The following CPNE4 variants were observed in gnomAD, a reference collection of about 807,000 sequenced individuals.
CPNE4 encodes the protein copine-4.
CPNE4 carries 25 observed loss-of-function variants against 67.9 expected under a neutral mutation model. The observed-to-expected ratio is 0.37, with a 90% CI of 0.27 to 0.51. CPNE4 has a LOEUF of 0.51. Among genes scored for constraint, CPNE4 ranks in the 20% least tolerant of loss-of-function variants. The probability of loss-of-function intolerance (pLI) is 0.93; values close to 1 mark genes in which losing one functional copy is unlikely to be tolerated. For missense variants in CPNE4, 464 were observed against 690.8 expected, an observed-to-expected ratio of 0.67 and a Z score of 3.68; for synonymous variants, 242 against 244.9, an observed-to-expected ratio of 0.99 and a Z score of 0.11.
intron 10 of CPNE4, among the ~76,000 whole-genome samples, chr3:131,569,835 G>A (rs1370981518): frequency 6.6e-6 from 1 of 151,738 alleles, no homozygotes; most frequent in African/African-American, 2.4e-5. Context: ...ATAGTCAGAG[G>A]TAAGAGAAAG....
rs375713741 is a variant in CPNE4 at position 131,827,479 on chromosome 3, G to A, written c.180+77785C>T. Among the ~76,000 whole-genome samples the A allele has an allele frequency of 3.3e-5, 5 of 152,106 alleles. No individual in the cohort carries two copies. In the East Asian group the frequency reaches 9.6e-4, roughly 29 times the overall value. On this transcript the variant is annotated intron_variant, in intron 2 of 15. Coordinates refer to ENST00000429747, the MANE Select transcript of CPNE4 (RefSeq NM_130808.3). The stretch of plus-strand genomic sequence containing the variant: ...GTATTTGTTGAAGAAAAGCAGCAAC[G>A]GACAAATAAGATATAGCTGCTAGCA...
chr3:131,801,356 AT>A (rs889664973), intron 2 of CPNE4, among the ~76,000 whole-genome samples: 46 of 100,396 alleles, frequency 4.6e-4, no homozygotes, highest in African/African-American at 1.5e-3. Flanking sequence ...TATATGTACC[AT>A]ATATATATAT....
At chr3:131,649,009 T>C (rs1219904207) in intron 7 of CPNE4, among the ~76,000 whole-genome samples, 1 of 152,178 alleles carries the variant, frequency 6.6e-6, no homozygotes, top group African/African-American at 2.4e-5. Context: ...TCCTTAACTC[T>C]ATGTCCCTGG....
intron 1 of CPNE4, among the ~76,000 whole-genome samples, chr3:131,942,098 A>T (rs1359802310): frequency 6.6e-6 from 1 of 152,024 alleles, no homozygotes; most frequent in Non-Finnish European, 1.5e-5. Context: ...ACATAAAATA[A>T]CTCCAAGTAT....
intron 1 of CPNE4, among the ~76,000 whole-genome samples, chr3:131,976,196 T>C (rs2072649568): frequency 6.6e-6 from 1 of 151,968 alleles, no homozygotes; most frequent in South Asian, 2.1e-4. Context: ...TTAATGATTG[T>C]ATATGGGAAA....
At chr3:131,757,554 G>T (rs953469864) in intron 2 of CPNE4, among the ~76,000 whole-genome samples, 1 of 152,168 alleles carries the variant, frequency 6.6e-6, no homozygotes, top group Non-Finnish European at 1.5e-5. Context: ...TAAAAGTTCA[G>T]AAAATTTGCA....
intron 2 of CPNE4, among the ~76,000 whole-genome samples, chr3:131,771,377 T>C (rs564121070): frequency 5.9e-5 from 9 of 152,234 alleles, no homozygotes; most frequent in Admixed American, 3.3e-4. Context: ...GGGTGGGACC[T>C]AATGTGAGGT....
intron 7 of CPNE4, among the ~76,000 whole-genome samples, chr3:131,669,110 G>C: frequency 6.6e-6 from 1 of 152,060 alleles, no homozygotes; most frequent in East Asian, 1.9e-4. Context: ...AGCTGGCCTG[G>C]GGATGATGAG....
At chr3:131,659,938 C>T (rs899476473) in intron 7 of CPNE4, among the ~76,000 whole-genome samples, 3 of 151,910 alleles carry the variant, frequency 2.0e-5, no homozygotes, top group East Asian at 3.9e-4. Context: ...GTCATGTTAA[C>T]AGGAAGAAGG....
intron 1 of CPNE4, among the ~76,000 whole-genome samples, chr3:132,008,067 C>T (rs1919994): frequency 0.84 from 127,500 of 152,164 alleles, 54,513 homozygotes; most frequent in Non-Finnish European, 0.93. Flanking sequence ...GTGTCTGGTA[C>T]ACAGTAGGTG....
intron 2 of CPNE4, among the ~76,000 whole-genome samples, chr3:131,743,981 A>AAAAAAAC: frequency 2.0e-5 from 3 of 149,058 alleles, no homozygotes; most frequent in African/African-American, 4.9e-5. Flanking sequence ...AAAAAAAAAA[A>AAAAAAAC]AAACAATAAA....
intron 2 of CPNE4, among the ~76,000 whole-genome samples, chr3:131,783,962 G>A (rs2083489122): frequency 6.6e-6 from 1 of 152,118 alleles, no homozygotes; most frequent in South Asian, 2.1e-4. Context: ...GAAGTACGGT[G>A]AGAAGTCCCA....
chr3:131,791,987 C>T (rs556337163), intron 2 of CPNE4, among the ~76,000 whole-genome samples: 18 of 152,232 alleles, frequency 1.2e-4, no homozygotes, highest in African/African-American at 3.9e-4. Flanking sequence ...AGTAACAGAA[C>T]TGGCAATTTT....
At chr3:131,638,820 T>C (rs577255849) in intron 7 of CPNE4, among the ~76,000 whole-genome samples, 1 of 152,140 alleles carries the variant, frequency 6.6e-6, no homozygotes, top group African/African-American at 2.4e-5. Flanking sequence ...TATCAAGTAC[T>C]CTCTCAGACC....
intron 2 of CPNE4, among the ~76,000 whole-genome samples, chr3:131,761,443 A>G (rs1196056947): frequency 6.6e-6 from 1 of 152,010 alleles, no homozygotes; most frequent in Non-Finnish European, 1.5e-5. Context: ...GAAAAATGGA[A>G]TTTTTAAAAT....
chr3:131,549,250 A>AT (rs1936041766), intron 14 of CPNE4, among the ~76,000 whole-genome samples: 3 of 152,094 alleles, frequency 2.0e-5, no homozygotes, highest in African/African-American at 4.8e-5. Context: ...AGGGAGTAGT[A>AT]TTTTTTTAAA....
intron 2 of CPNE4, among the ~76,000 whole-genome samples, chr3:131,727,377 A>G (rs2082025251): frequency 6.6e-6 from 1 of 152,114 alleles, no homozygotes; most frequent in Non-Finnish European, 1.5e-5. Context: ...GGTGGATCAC[A>G]AAGTCAGGAA....
chr3:131,963,672 G>C (rs182423572), intron 1 of CPNE4, among the ~76,000 whole-genome samples: 170 of 152,308 alleles, frequency 1.1e-3, no homozygotes, highest in Middle Eastern at 3.4e-3. Flanking sequence ...CTGTGGCCAG[G>C]CTGCCTCTCT....
chr3:132,021,786 T>C (rs2074002533), intron 1 of CPNE4, among the ~76,000 whole-genome samples: 1 of 152,134 alleles, frequency 6.6e-6, no homozygotes, highest in Admixed American at 6.5e-5. Context: ...AATGTATGTA[T>C]AAAGGAAAGA....
Sources: gnomAD v4.1 joint callset for allele counts (sites outside exome capture counted in the v4.1 genomes callset) on GRCh38, gnomAD v4.1.1 for gene constraint, MANE v1.5 for transcripts, NCBI Gene and HGNC (gene_info 2026-07-23, HGNC 2026-07-21) for gene names.